CNTN3: variants seen among roughly 807,000 people sequenced by gnomAD.
CNTN3 encodes the protein contactin-3.
In CNTN3, 60 loss-of-function variants were observed where a neutral mutation model predicts 119.1. The observed-to-expected ratio is 0.50, with a 90% CI of 0.41 to 0.62. The LOEUF (loss-of-function observed/expected upper bound fraction) is 0.62. CNTN3 is among the 20% of genes least tolerant of loss of function. CNTN3 has a pLI of 0.00. For missense variants in CNTN3, 1,101 were observed against 1,242.4 expected, an observed-to-expected ratio of 0.89 and a Z score of 1.71; for synonymous variants, 450 against 438.7, an observed-to-expected ratio of 1.03 and a Z score of -0.32.
At chr3:74,432,044 A>C (rs773472854) in intron 4 of CNTN3, among the ~76,000 whole-genome samples, 1 of 144,672 alleles carries the variant, frequency 6.9e-6, no homozygotes, top group Non-Finnish European at 1.6e-5. Flanking sequence ...TCTTCCATAC[A>C]TAATATCTTA....
intron 13 of CNTN3, among the ~76,000 whole-genome samples, chr3:74,317,950 T>A (rs1010613037): frequency 5.3e-5 from 8 of 152,338 alleles, no homozygotes; most frequent in Non-Finnish European, 1.2e-4. Context: ...CTTGGTTCCA[T>A]TCTCCCTGTC....
At chr3:74,431,881 T>A (rs575845990) in intron 4 of CNTN3, among the ~76,000 whole-genome samples, 1 of 152,160 alleles carries the variant, frequency 6.6e-6, no homozygotes, top group Admixed American at 6.5e-5. Context: ...AATGAAATCA[T>A]TGTCATTGAA....
At chr3:74,603,373 A>C (rs1396935523) in intron 1 of CNTN3, among the ~76,000 whole-genome samples, 1 of 152,118 alleles carries the variant, frequency 6.6e-6, no homozygotes, top group Non-Finnish European at 1.5e-5. Context: ...ATTGGGCACC[A>C]CAGTATCCAC....
At chr3:74,530,104 C>A (rs751588711) in intron 1 of CNTN3, among the ~76,000 whole-genome samples, 14 of 151,958 alleles carry the variant, frequency 9.2e-5, no homozygotes, top group Non-Finnish European at 2.1e-4. Context: ...GGTATAAGCA[C>A]AGAGAAAGAA....
At chr3:74,507,904 T>G (rs1703293441) in intron 2 of CNTN3, among the ~76,000 whole-genome samples, 1 of 152,008 alleles carries the variant, frequency 6.6e-6, no homozygotes, top group East Asian at 1.9e-4. Flanking sequence ...AGTGCTAGGA[T>G]TATAGGCATG....
chr3:74,271,048 C>A (rs763423542), intron 20 of CNTN3, among the ~76,000 whole-genome samples: 6 of 152,122 alleles, frequency 3.9e-5, no homozygotes, highest in Admixed American at 2.0e-4. Context: ...CCATCATGAT[C>A]CTCTGTGCAC....
At chr3:74,542,712 A>G (rs77479231) in intron 1 of CNTN3, among the ~76,000 whole-genome samples, 1,694 of 152,316 alleles carry the variant, frequency 0.011, 28 homozygotes, top group African/African-American at 0.037. Context: ...TGTCAATCAT[A>G]TATATTGTTT....
chr3:74,316,545 C>G (rs370015341), intron 13 of CNTN3, among the ~76,000 whole-genome samples: 1 of 152,132 alleles, frequency 6.6e-6, no homozygotes, highest in African/African-American at 2.4e-5. Flanking sequence ...CATATGTTCA[C>G]CACAGTATTA....
At chr3:74,335,021 C>A (rs1703357083) in intron 12 of CNTN3, 111 bp from the exon 13 acceptor site, 1 of 621,014 alleles carries the variant, frequency 1.6e-6, no homozygotes, top group African/African-American at 1.8e-5. Context: ...GATGCATATA[C>A]ATAAATATAC....
chr3:74,406,550 T>A (rs895030716), intron 5 of CNTN3, among the ~76,000 whole-genome samples: 2 of 151,982 alleles, frequency 1.3e-5, no homozygotes, highest in Admixed American at 1.3e-4. Flanking sequence ...TTTTTTTTTT[T>A]AAATTATCTT....
intron 1 of CNTN3, among the ~76,000 whole-genome samples, chr3:74,551,437 G>C (rs570733790): frequency 1.7e-4 from 26 of 151,746 alleles, no homozygotes; most frequent in Admixed American, 5.3e-4. Flanking sequence ...CCCCAACCAG[G>C]GTGGTACATT....
chr3:74,421,049 C>A (rs1701607982), intron 5 of CNTN3, among the ~76,000 whole-genome samples: 1 of 152,182 alleles, frequency 6.6e-6, no homozygotes, highest in African/African-American at 2.4e-5. Context: ...TCTTCCTCCC[C>A]ATACTTTTAC....
intron 5 of CNTN3, among the ~76,000 whole-genome samples, chr3:74,399,619 T>C (rs558188544): frequency 6.6e-6 from 1 of 152,294 alleles, no homozygotes; most frequent in South Asian, 2.1e-4. Flanking sequence ...CATGTGTCTT[T>C]ATAACAGAAT....
At chr3:74,566,391 A>G (rs1395017603) in intron 1 of CNTN3, among the ~76,000 whole-genome samples, 1 of 152,176 alleles carries the variant, frequency 6.6e-6, no homozygotes, top group Non-Finnish European at 1.5e-5. Flanking sequence ...GTGGCTTAAA[A>G]TAACAGAAAT....
intron 13 of CNTN3, among the ~76,000 whole-genome samples, chr3:74,334,531 T>TA (rs1466586932): frequency 1.6e-4 from 24 of 152,238 alleles, no homozygotes; most frequent in African/African-American, 5.3e-4. Context: ...ATTGTAATTG[T>TA]AATTATACAT....
At chr3:74,348,505 C>A (rs527627858) in intron 11 of CNTN3, among the ~76,000 whole-genome samples, 14 of 152,162 alleles carry the variant, frequency 9.2e-5, no homozygotes, top group African/African-American at 3.1e-4. Context: ...ATTCTTAATG[C>A]CTTTAGCTGC....
At position 74,295,089 on chromosome 3, in the gene CNTN3, C is replaced by G. The variant is rs753246970; in HGVS notation, c.2517+32G>C. 1.5e-5 allele frequency: 21 copies of G among 1,393,464 alleles called. No individual in the cohort carries two copies. In the Admixed American group the frequency reaches 3.2e-4, roughly 21 times the overall value. The allele number at this position is 1,393,464 out of a possible 1,614,324, so 86.3% of individuals were successfully genotyped here. A position where few individuals can be genotyped will look rare whatever the true frequency, so the allele number is the denominator to read the frequency against. ...AAGGAGACAAAGTGGCACGGTAACA[C>G]ACATACACAATTTAATCGGAAAAGA... On this transcript the variant is annotated intron_variant, in intron 19 of 22. Coordinates refer to ENST00000263665, the MANE Select transcript of CNTN3 (RefSeq NM_020872.3).
intron 1 of CNTN3, among the ~76,000 whole-genome samples, chr3:74,565,369 G>A (rs992053766): frequency 6.6e-6 from 1 of 152,068 alleles, no homozygotes; most frequent in Non-Finnish European, 1.5e-5. Context: ...TCCAAGCTCT[G>A]CTTCAATCGT....
chr3:74,337,433 C>G (rs114822713), intron 11 of CNTN3, among the ~76,000 whole-genome samples: 1 of 152,010 alleles, frequency 6.6e-6, no homozygotes, highest in Non-Finnish European at 1.5e-5. Context: ...CATGCTGCTG[C>G]TAAAGATATA....
Sources: allele counts gnomAD v4.1 joint callset (sites outside exome capture counted in the v4.1 genomes callset), GRCh38; gene constraint gnomAD v4.1.1; transcripts MANE v1.5; gene names NCBI Gene and HGNC (gene_info 2026-07-23, HGNC 2026-07-21).